Variants in PCDHGA9 observed in about 807,000 individuals in gnomAD.
PCDHGA9 encodes the protein protocadherin gamma-A9.
Under a neutral mutation model 62.5 loss-of-function variants are expected in PCDHGA9, and 37 were observed. The ratio of observed to expected loss-of-function variants is 0.59; its 90% CI spans 0.46 to 0.78. The LOEUF (loss-of-function observed/expected upper bound fraction) is 0.78. Among genes scored for constraint, PCDHGA9 ranks in the 30% least tolerant of loss-of-function variants. PCDHGA9 has a pLI of 0.00. For missense variants in PCDHGA9, 1,138 were observed against 1,166.2 expected (o/e 0.98, Z 0.35); for synonymous variants, 459 against 484.6 (o/e 0.95, Z 0.69).
chr5:141,403,207 CACCGCGGGTAGGATAG>C lies in PCDHGA9; in HGVS notation c.260_275del (p.Ala87GlyfsTer13). 1 of 1,613,966 alleles carries C rather than the reference CACCGCGGGTAGGATAG, an allele frequency of 6.2e-7. No homozygotes were observed. Among genetic ancestry groups the C allele is most frequent in the South Asian group, 1.1e-5 (1 of 91,086 alleles). On this transcript the variant is annotated frameshift_variant, in exon 1 of 4. Coordinates refer to ENST00000573521, the MANE Select transcript of PCDHGA9 (RefSeq NM_018921.3). LOFTEE classifies it high-confidence loss of function. ...TGAACCCGCGCAGCGGCACCTTGGT[CACCGCGGGTAGGATAG>C]ACCGGGAGGAGCTCTGTGCTCAGAG...
At chr5:141,425,448 C>G (rs897473729) in intron 1 of PCDHGA9, among the ~76,000 whole-genome samples, 1 of 152,164 alleles carries the variant, frequency 6.6e-6, no homozygotes, top group African/African-American at 2.4e-5. Flanking sequence ...AAATAAAACA[C>G]CATCACATTT....
intron 1 of PCDHGA9, chr5:141,408,296 C>T (rs2154539952): frequency 1.2e-6 from 2 of 1,613,550 alleles, no homozygotes; most frequent in Non-Finnish European, 1.7e-6. Flanking sequence ...CCTGAGTGAG[C>T]CGATCCGCTA....
At chr5:141,414,812 T>C (rs1389980970) in intron 1 of PCDHGA9, 1 of 1,614,172 alleles carries the variant, frequency 6.2e-7, no homozygotes, top group South Asian at 1.1e-5. Flanking sequence ...GATCCTCCAC[T>C]CAGCAGCAAC....
chr5:141,479,568 G>A (rs553213095), intron 1 of PCDHGA9: 2 of 152,346 alleles, frequency 1.3e-5, no homozygotes, highest in East Asian at 3.9e-4. Context: ...GTAGTGGGAT[G>A]ACATCTGTGA....
intron 2 of PCDHGA9, among the ~76,000 whole-genome samples, chr5:141,503,855 TA>T (rs2099832899): frequency 1.3e-5 from 2 of 152,136 alleles, no homozygotes; most frequent in Non-Finnish European, 2.9e-5. Context: ...GGAAAAATTG[TA>T]AAGCAGTTCT....
At chr5:141,429,408 T>A (rs2097213256) in intron 1 of PCDHGA9, among the ~76,000 whole-genome samples, 1 of 151,838 alleles carries the variant, frequency 6.6e-6, no homozygotes, top group Non-Finnish European at 1.5e-5. Flanking sequence ...GAGATTAAGG[T>A]CTCATTATGT....
intron 1 of PCDHGA9, among the ~76,000 whole-genome samples, chr5:141,406,298 T>G (rs2154537368): frequency 6.6e-6 from 1 of 152,178 alleles, no homozygotes; most frequent in East Asian, 1.9e-4. Flanking sequence ...GGGTGAGGTG[T>G]GAACCACCTC....
At chr5:141,407,964 C>G in intron 1 of PCDHGA9, 1 of 683,628 alleles carries the variant, frequency 1.5e-6, no homozygotes, top group Non-Finnish European at 2.3e-6. Context: ...GCAGAGCAAG[C>G]GCTGACGCCG....
Position 141,491,869 on chromosome 5 carries a change from G to A in PCDHGA9, c.2425-2938G>A. On this transcript the variant is annotated intron_variant, in intron 1 of 3. Transcript: ENST00000573521. The surrounding 1 kb of genome is among the most constrained non-coding windows in gnomAD (Gnocchi z 6.9). ...GGACCGTTTGCGCGAAACCAGAGTG[G>A]CCGATTAAGGGATGGGGCTCCGAGC... The A allele has an allele frequency of 6.9e-7, 1 of 1,453,094 alleles. No individual in the cohort carries two copies. Among genetic ancestry groups the A allele is most frequent in the Non-Finnish European group, 9.1e-7 (1 of 1,099,380 alleles). 90.0% of individuals were successfully genotyped at this position (1,453,094 alleles called of 1,614,324 possible).
At position 141,487,194 on chromosome 5, in the gene PCDHGA9, C is replaced by T. The variant is rs148502966; in HGVS notation, c.2425-7613C>T. 2 of 1,613,868 alleles carry T rather than the reference C, an allele frequency of 1.2e-6. No homozygotes were observed. The highest frequency in any genetic ancestry group is 1.3e-5 in the African/African-American group (1 of 75,030). On this transcript the variant is annotated intron_variant, in intron 1 of 3. Coordinates refer to ENST00000573521, the MANE Select transcript of PCDHGA9 (RefSeq NM_018921.3). The surrounding 1 kb of genome is among the most constrained non-coding windows in gnomAD (Gnocchi z 5.0). ...GAGGAAGACACTCATCCAGTTGTCC[C>T]AGATCTTCGAGAATCTTCAGCTCCA... is the stretch of plus-strand genomic sequence containing the variant.
intron 2 of PCDHGA9, among the ~76,000 whole-genome samples, chr5:141,501,988 T>C (rs2099812189): frequency 6.6e-6 from 1 of 152,056 alleles, no homozygotes; most frequent in Non-Finnish European, 1.5e-5. Flanking sequence ...GGTCCCGTTG[T>C]CTCCCTGACA....
Position 141,431,520 on chromosome 5 carries a change from A to T in PCDHGA9, c.2424+26144A>T. ...GAGTACCGCGCGAGCGTTCCGGAGA[A>T]TCTGGCCTTGGGCACGCAGCTGCTT... On this transcript the variant is annotated intron_variant, in intron 1 of 3. Transcript: ENST00000573521. The surrounding 1 kb of genome is among the most constrained non-coding windows in gnomAD (Gnocchi z 4.8). 6.2e-7 allele frequency: 1 copy of T among 1,614,068 alleles called. No homozygotes were observed. Among genetic ancestry groups the T allele is most frequent in the Non-Finnish European group, 8.5e-7 (1 of 1,180,020 alleles).
At chr5:141,458,080 C>T (rs62379190) in intron 1 of PCDHGA9, among the ~76,000 whole-genome samples, 5,138 of 152,230 alleles carry the variant, frequency 0.034, 100 homozygotes, top group Middle Eastern at 0.088. Flanking sequence ...ACTATATTGC[C>T]GTAAGTTAAG....
Position 141,431,386 on chromosome 5 carries a change from C to A in PCDHGA9, c.2424+26010C>A. The stretch of plus-strand genomic sequence containing the variant: ...ACCGCGAAGAAAAGGCTGCTCACCA[C>A]CTGGTCCTTACGGCCTCCGACGGGG... On this transcript the variant is annotated intron_variant, in intron 1 of 3. Coordinates refer to ENST00000573521, the MANE Select transcript of PCDHGA9 (RefSeq NM_018921.3). The surrounding 1 kb of genome is among the most constrained non-coding windows in gnomAD (Gnocchi z 4.8). The A allele has an allele frequency of 6.2e-7, 1 of 1,613,924 alleles. No individual in the cohort carries two copies. Among genetic ancestry groups the A allele is most frequent in the Non-Finnish European group, 8.5e-7 (1 of 1,180,038 alleles).
chr5:141,409,116 A>G (rs1236625059), intron 1 of PCDHGA9: 1 of 1,614,034 alleles, frequency 6.2e-7, no homozygotes. Flanking sequence ...AAGAATAACC[A>G]GTCATTTGAT....
At chr5:141,407,969 A>C (rs900029714) in intron 1 of PCDHGA9, 1 of 708,308 alleles carries the variant, frequency 1.4e-6, no homozygotes, top group Non-Finnish European at 2.2e-6. Flanking sequence ...GCAAGCGCTG[A>C]CGCCGGGGAT....
At chr5:141,443,093 C>T (rs1316602934) in intron 1 of PCDHGA9, among the ~76,000 whole-genome samples, 2 of 151,940 alleles carry the variant, frequency 1.3e-5, no homozygotes, top group African/African-American at 4.8e-5. Flanking sequence ...CAGTCTCCTT[C>T]TCAAGCTGAA....
Position 141,485,063 on chromosome 5 carries a change from A to C in PCDHGA9, c.2425-9744A>C. On this transcript the variant is annotated intron_variant, in intron 1 of 3. Transcript: ENST00000573521. This position sits in a 1 kb window ranked among gnomAD's most constrained non-coding sequence, Gnocchi z 5.7. ...CTTGCGGCGCCGGCCGAACCGCGCC[A>C]GAGCTGGCGCGGGGAAAGGGAGATA... is the stretch of plus-strand genomic sequence containing the variant. 2 of 874,986 alleles carry C rather than the reference A, an allele frequency of 2.3e-6. No individual in the cohort carries two copies. Among genetic ancestry groups the C allele is most frequent in the Non-Finnish European group, 3.6e-6 (2 of 551,278 alleles). 54.2% of individuals were successfully genotyped at this position (874,986 alleles called of 1,614,324 possible).
chr5:141,476,523 C>G lies in PCDHGA9; in HGVS notation c.2425-18284C>G. On this transcript the variant is annotated intron_variant, in intron 1 of 3. Transcript: ENST00000573521. This position sits in a 1 kb window ranked among gnomAD's most constrained non-coding sequence, Gnocchi z 7.6. ...ATCAACGACAACAATCCTGCTTTCC[C>G]TACCCAGGAAATGAAATTGGAGATT... is the stretch of plus-strand genomic sequence containing the variant. 1 of 1,614,218 alleles carries G rather than the reference C, an allele frequency of 6.2e-7. No individual in the cohort carries two copies.
Sources: gnomAD v4.1 joint callset for allele counts (sites outside exome capture counted in the v4.1 genomes callset) on GRCh38, gnomAD v4.1.1 for gene constraint, Gnocchi (gnomAD v3.1) non-coding constraint, MANE v1.5 for transcripts, NCBI Gene and HGNC (gene_info 2026-07-23, HGNC 2026-07-21) for gene names.